S100A13: variants seen among roughly 807,000 people sequenced by gnomAD.
S100A13 encodes the protein S100 calcium binding protein A13, also known as protein S100-A13.
S100A13 carries 6 observed loss-of-function variants against 8.2 expected under a neutral mutation model. The ratio of observed to expected loss-of-function variants is 0.73; its 90% CI spans 0.40 to 1.44. The LOEUF is 1.44. Among genes scored for constraint, S100A13 ranks in the 40% most tolerant of loss-of-function variants. The pLI is 0.02. For missense variants in S100A13, 114 were observed against 113.6 expected, an observed-to-expected ratio of 1.00 and a Z score of -0.02; for synonymous variants, 39 against 45.9, an observed-to-expected ratio of 0.85 and a Z score of 0.61.
Position 153,626,237 on chromosome 1 carries a change from AC to A in S100A13, c.153+82del, listed in dbSNP as rs1344147500. On this transcript the variant is annotated intron_variant, in intron 2 of 2. Transcript: ENST00000476133. ...CCACACCCTTTCTTGTGGTCACCTC[AC>A]CGTACTCGGCACCATCACGTCCTAA... 3.9e-6 allele frequency: 5 copies of A among 1,280,982 alleles called. No individual in the cohort carries two copies. In the African/African-American group the frequency reaches 5.8e-5, roughly 15 times the overall value. The allele number at this position is 1,280,982 out of a possible 1,614,324, so 79.4% of individuals were successfully genotyped here.
chr1:153,625,805 A>G (rs1023987982), intron 2 of S100A13, among the ~76,000 whole-genome samples: 2 of 152,256 alleles, frequency 1.3e-5, no homozygotes, highest in Non-Finnish European at 2.9e-5. Flanking sequence ...CCACTGGCAC[A>G]TAGTATCTTT....
At chr1:153,620,320 G>T (rs1667155694) in intron 2 of S100A13, among the ~76,000 whole-genome samples, 1 of 151,696 alleles carries the variant, frequency 6.6e-6, no homozygotes, top group African/African-American at 2.4e-5. Context: ...AATTAGCTCG[G>T]TGTGATAGTG....
At chr1:153,630,791 T>C (rs563181963), upstream of S100A13, 12 of 1,281,062 alleles carry the variant, frequency 9.4e-6, no homozygotes, top group South Asian at 1.7e-4. Context: ...CCCAGGCTTC[T>C]CTCCTGGGTT....
At chr1:153,622,863 G>A (rs1667358051) in intron 2 of S100A13, among the ~76,000 whole-genome samples, 1 of 152,102 alleles carries the variant, frequency 6.6e-6, no homozygotes, top group Admixed American at 6.6e-5. Flanking sequence ...TACTCCCACT[G>A]GCACACAGTA....
At chr1:153,625,224 C>T (rs1667537468) in intron 2 of S100A13, among the ~76,000 whole-genome samples, 1 of 151,974 alleles carries the variant, frequency 6.6e-6, no homozygotes, top group Admixed American at 6.6e-5. Flanking sequence ...AGTGAGAAAC[C>T]CTGTCTCAAA....
upstream of S100A13, chr1:153,628,416 T>G (rs780467357): frequency 1.9e-5 from 29 of 1,550,486 alleles, no homozygotes; most frequent in South Asian, 3.3e-4. Flanking sequence ...AAGACAGGTC[T>G]CCACACACAG....
At chr1:153,622,330 C>T (rs1299905743) in intron 2 of S100A13, among the ~76,000 whole-genome samples, 1 of 152,184 alleles carries the variant, frequency 6.6e-6, no homozygotes, top group African/African-American at 2.4e-5. Context: ...GAGATCATGC[C>T]ACTGCACTCC....
chr1:153,620,269 A>G (rs1667152953), intron 2 of S100A13, among the ~76,000 whole-genome samples: 1 of 152,018 alleles, frequency 6.6e-6, no homozygotes, highest in Non-Finnish European at 1.5e-5. Context: ...TCTGGGCTAC[A>G]GAGTGGGACT....
chr1:153,623,659 G>A (rs555884694), intron 2 of S100A13, among the ~76,000 whole-genome samples: 6 of 152,312 alleles, frequency 3.9e-5, no homozygotes, highest in East Asian at 1.9e-4. Flanking sequence ...AAGGGAGAAC[G>A]TGGAAAGATG....
In S100A13 at chr1:153,626,393, T is replaced by C. The variant is rs139231458; in HGVS notation, c.80A>G (p.Glu27Gly). Residue 27 changes from glutamate to glycine, a missense_variant, in exon 2 of 3, where the codon GAG (glutamate) becomes GGG (glycine). Coordinates refer to ENST00000476133, the MANE Select transcript of S100A13 (RefSeq NM_001024211.2). ...GACGCTGAGGCTATCCTTCCGGCCCTCCTGCCTTGCAAAGGTGAAGAAGGT... is the reference window on the plus strand; with the variant it reads ...GACGCTGAGGCTATCCTTCCGGCCCCCCTGCCTTGCAAAGGTGAAGAAGGT... ...VTTFFTFARQ[E>G]GRKDSLSVNE... 5.9e-5 allele frequency: 95 copies of C among 1,614,048 alleles called. No homozygotes were observed. The highest frequency in any genetic ancestry group is 7.3e-5 in the Non-Finnish European group (86 of 1,180,020).
upstream of S100A13, chr1:153,631,237 C>T: frequency 1.9e-6 from 1 of 538,682 alleles, no homozygotes; most frequent in South Asian, 2.4e-5. Flanking sequence ...AAAGAAGCCT[C>T]AGGATACGGT....
intron 2 of S100A13, among the ~76,000 whole-genome samples, chr1:153,622,904 C>T (rs1298046739): frequency 6.6e-6 from 1 of 152,098 alleles, no homozygotes; most frequent in African/African-American, 2.4e-5. Context: ...TGCACGCACA[C>T]GTACAGAGGC....
At chr1:153,623,688 GAAGACA>G (rs1463267765) in intron 2 of S100A13, among the ~76,000 whole-genome samples, 1 of 152,224 alleles carries the variant, frequency 6.6e-6, no homozygotes, top group East Asian at 1.9e-4. Context: ...TTTGAGGAGA[GAAGACA>G]AATTGTGAAA....
upstream of S100A13, among the ~76,000 whole-genome samples, chr1:153,632,641 G>T (rs1458626315): frequency 3.9e-5 from 6 of 151,950 alleles, no homozygotes; most frequent in African/African-American, 1.5e-4. Flanking sequence ...AGGAACTGAG[G>T]CTCCAGCATT....
At chr1:153,620,057 T>A (rs9330300) in intron 2 of S100A13, among the ~76,000 whole-genome samples, 1 of 151,784 alleles carries the variant, frequency 6.6e-6, no homozygotes, top group Non-Finnish European at 1.5e-5. Context: ...GAGGCTGAGG[T>A]GGGCGGATCA....
chr1:153,630,624 A>T (rs1304000738), upstream of S100A13: 4 of 1,614,136 alleles, frequency 2.5e-6, no homozygotes, highest in African/African-American at 5.3e-5. Flanking sequence ...GAAGGAGCTG[A>T]AAGAGCTGCT....
intron 2 of S100A13, among the ~76,000 whole-genome samples, chr1:153,620,328 G>A (rs1667156316): frequency 6.6e-6 from 1 of 151,818 alleles, no homozygotes; most frequent in South Asian, 2.1e-4. Flanking sequence ...CGGTGTGATA[G>A]TGCACACCCG....
upstream of S100A13, chr1:153,628,584 A>G: frequency 6.6e-7 from 1 of 1,521,592 alleles, no homozygotes; most frequent in Non-Finnish European, 8.8e-7. Context: ...GCTGGGGACC[A>G]TAGCACTGTG....
At chr1:153,628,048 C>G (rs1397425562), upstream of S100A13, 1 of 1,550,402 alleles carries the variant, frequency 6.4e-7, no homozygotes. Flanking sequence ...AAGTTTCTCA[C>G]TGAGGGTCCT....
Sources: allele counts gnomAD v4.1 joint callset (sites outside exome capture counted in the v4.1 genomes callset), GRCh38; gene constraint gnomAD v4.1.1; transcripts MANE v1.5; gene names NCBI Gene and HGNC (gene_info 2026-07-23, HGNC 2026-07-21).